Variants in DOCK5 observed in about 807,000 individuals in gnomAD.
The protein encoded by DOCK5 is dedicator of cytokinesis protein 5.
A neutral mutation model predicts 251.8 loss-of-function variants in DOCK5; 142 were observed. The ratio of observed to expected loss-of-function variants is 0.56; its 90% CI spans 0.49 to 0.65. The LOEUF (loss-of-function observed/expected upper bound fraction) is 0.65. DOCK5 is among the 30% of genes least tolerant of loss of function. The probability of loss-of-function intolerance (pLI) is 0.00; values close to 1 mark genes in which losing one functional copy is unlikely to be tolerated. For missense variants in DOCK5, 2,111 were observed against 2,312.3 expected (o/e 0.91, Z 1.79); for synonymous variants, 842 against 835.5 (o/e 1.01, Z -0.13).
intron 1 of DOCK5, among the ~76,000 whole-genome samples, chr8:25,189,953 C>T (rs909782122): frequency 6.6e-6 from 1 of 152,180 alleles, no homozygotes; most frequent in African/African-American, 2.4e-5. Context: ...GTGGTGCAAT[C>T]TTGGCTCACT....
intron 22 of DOCK5, 82 bp from the exon 23 acceptor site, chr8:25,340,795 G>T: frequency 9.3e-7 from 1 of 1,072,406 alleles, no homozygotes; most frequent in Non-Finnish European, 1.4e-6. Flanking sequence ...CGATGAAGGA[G>T]AAGTGAGGGA....
intron 40 of DOCK5, among the ~76,000 whole-genome samples, chr8:25,385,538 C>T (rs1245156878): frequency 1.3e-5 from 2 of 151,996 alleles, no homozygotes; most frequent in African/African-American, 4.8e-5. Context: ...GACAGGAGGA[C>T]CGGAAAAGGC....
chr8:25,386,892 A>G (rs1266920799), intron 40 of DOCK5, among the ~76,000 whole-genome samples: 1 of 152,250 alleles, frequency 6.6e-6, no homozygotes, highest in African/African-American at 2.4e-5. Flanking sequence ...TCCGTAATTT[A>G]GAAAAATAAT....
chr8:25,400,891 T>C (rs1801427415), intron 46 of DOCK5, 38 bp from the exon 47 acceptor site: 1 of 1,610,826 alleles, frequency 6.2e-7, no homozygotes, highest in Non-Finnish European at 8.5e-7. Context: ...TCCCTCTTCC[T>C]GAAGCACACT....
chr8:25,187,494 T>C (rs2117432991), intron 1 of DOCK5, among the ~76,000 whole-genome samples: 1 of 151,926 alleles, frequency 6.6e-6, no homozygotes, highest in East Asian at 1.9e-4. Flanking sequence ...GATTCTGGTT[T>C]GTCTGGGTTT....
chr8:25,340,158 T>C (rs1805917825), intron 22 of DOCK5, among the ~76,000 whole-genome samples: 1 of 152,210 alleles, frequency 6.6e-6, no homozygotes, highest in African/African-American at 2.4e-5. Flanking sequence ...GTTGTAGGTG[T>C]GTTAATTTTG....
rs753195191 is a variant in DOCK5 at position 25,317,107 on chromosome 8, C to T, written c.1419C>T (p.His473=). 3.5e-5 allele frequency: 56 copies of T among 1,613,680 alleles called. No homozygotes were observed. In the Middle Eastern group the frequency reaches 8.2e-4, roughly 24 times the overall value. Residue 473 remains histidine, a synonymous_variant, in exon 14 of 52, where the codon CAC becomes CAT. Coordinates refer to ENST00000276440, the MANE Select transcript of DOCK5 (RefSeq NM_024940.8). The part of the protein sequence containing the change: ...PKNVEVTMSV[H]DEEGKLLEKA... ...ATGTGGAGGTGACGATGTCTGTGCA[C>T]GATGAGGAGGGCAAGCTCTTGGAGG...
chr8:25,342,391 T>C lies in DOCK5; in HGVS notation c.2511-10T>C, dbSNP rs750861847. On this transcript the variant is annotated splice_polypyrimidine_tract_variant and intron_variant, in intron 24 of 51. Transcript: ENST00000276440. ...CGAAGACACTACTAACCCTGAGGTT[T>C]CTCTCCCAGCGTGCTCTTCTGCAAA... is the stretch of plus-strand genomic sequence containing the variant. 1 of 1,573,040 alleles carries C rather than the reference T, an allele frequency of 6.4e-7. No homozygotes were observed. The highest frequency in any genetic ancestry group is 2.3e-5 in the East Asian group (1 of 43,284).
intron 19 of DOCK5, 50 bp downstream of exon 19, chr8:25,332,398 CCTAT>C (rs776905740): frequency 1.4e-6 from 2 of 1,425,408 alleles, no homozygotes; most frequent in Non-Finnish European, 2.0e-6. Context: ...CATATATATA[CCTAT>C]CTAATTATAC....
At chr8:25,207,675 A>T (rs957792601) in intron 1 of DOCK5, among the ~76,000 whole-genome samples, 1 of 152,216 alleles carries the variant, frequency 6.6e-6, no homozygotes, top group Non-Finnish European at 1.5e-5. Flanking sequence ...GAAAAAGAAG[A>T]TTCCTTGATT....
chr8:25,221,286 T>G (rs976577247), intron 1 of DOCK5, among the ~76,000 whole-genome samples: 4 of 152,204 alleles, frequency 2.6e-5, no homozygotes, highest in African/African-American at 9.6e-5. Context: ...TTTAAAAGCT[T>G]CAGCTACATT....
rs13439310 is a variant in DOCK5 at position 25,388,837 on chromosome 8, A to G, written c.4132-254A>G. The stretch of plus-strand genomic sequence containing the variant: ...GGTCCAGACTGTTTGCAGACTGGCC[A>G]TGGTCCTTGGGCCACACTGGAAGAA... On this transcript the variant is annotated intron_variant, in intron 40 of 51. Transcript: ENST00000276440. 1,293 of 450,794 alleles carry G rather than the reference A, an allele frequency of 2.9e-3. 11 individuals are homozygous for G. The highest frequency in any genetic ancestry group is 0.017 in the African/African-American group (890 of 51,374). 27.9% of individuals were successfully genotyped at this position (450,794 alleles called of 1,614,324 possible). A position where few individuals can be genotyped will look rare whatever the true frequency, so the allele number is the denominator to read the frequency against.
At chr8:25,203,561 A>T (rs1563306787) in intron 1 of DOCK5, among the ~76,000 whole-genome samples, 1 of 152,298 alleles carries the variant, frequency 6.6e-6, no homozygotes, top group Non-Finnish European at 1.5e-5. Flanking sequence ...TTCTGACAAC[A>T]TGACTTATTT....
chr8:25,272,000 A>G (rs1330614146), intron 3 of DOCK5, among the ~76,000 whole-genome samples: 2 of 152,330 alleles, frequency 1.3e-5, no homozygotes, highest in Admixed American at 1.3e-4. Flanking sequence ...AATACATGCT[A>G]TATAACTAAT....
intron 1 of DOCK5, among the ~76,000 whole-genome samples, chr8:25,210,043 T>TATAA (rs1563309184): frequency 4.0e-5 from 1 of 25,208 alleles, no homozygotes; most frequent in South Asian, 8.2e-4. Flanking sequence ...TAAATGTGTG[T>TATAA]GTGTGTGTGT....
chr8:25,228,502 G>A (rs1326079382), intron 1 of DOCK5, among the ~76,000 whole-genome samples: 1 of 152,172 alleles, frequency 6.6e-6, no homozygotes, highest in Non-Finnish European at 1.5e-5. Flanking sequence ...GCCCACAATG[G>A]CAGCTCTGGT....
intron 44 of DOCK5, among the ~76,000 whole-genome samples, chr8:25,394,966 T>C (rs1801322160): frequency 1.3e-5 from 2 of 152,012 alleles, no homozygotes; most frequent in Admixed American, 6.6e-5. Context: ...GGATAGGGGA[T>C]GGTTTTGGAA....
At chr8:25,246,692 T>G (rs1286808160) in intron 2 of DOCK5, among the ~76,000 whole-genome samples, 2 of 146,094 alleles carry the variant, frequency 1.4e-5, no homozygotes, top group African/African-American at 5.2e-5. Flanking sequence ...AATTCTTCAC[T>G]GCCATGTTAG....
Position 25,302,387 on chromosome 8 carries a change from G to A in DOCK5, c.909G>A (p.Val303=). The A allele has an allele frequency of 6.2e-7, 1 of 1,610,156 alleles. No homozygotes were observed. Among genetic ancestry groups the A allele is most frequent in the Non-Finnish European group, 8.5e-7 (1 of 1,178,292 alleles). ...GCCTTGTGTGCCAGATTGTCCGCGT[G>A]GGCCATATGGAGCTGAAGGAAGGCA... ...RVSLVCQIVR[V]GHMELKEGKK... Residue 303 remains valine, a synonymous_variant, in exon 10 of 52, where the codon GTG becomes GTA. Coordinates refer to ENST00000276440, the MANE Select transcript of DOCK5 (RefSeq NM_024940.8).
Sources: gnomAD v4.1 joint callset for allele counts (sites outside exome capture counted in the v4.1 genomes callset) on GRCh38, gnomAD v4.1.1 for gene constraint, MANE v1.5 for transcripts, NCBI Gene and HGNC (gene_info 2026-07-23, HGNC 2026-07-21) for gene names.